KIF1A: variants seen among roughly 807,000 people sequenced by gnomAD.
KIF1A encodes the protein kinesin-like protein KIF1A.
Under a neutral mutation model 227.3 loss-of-function variants are expected in KIF1A, and 46 were observed. That is an observed-to-expected ratio of 0.20 (90% confidence interval 0.16 to 0.26). The LOEUF is 0.26. KIF1A is among the 10% of genes least tolerant of loss of function. KIF1A has a pLI of 1.00. For synonymous variants in KIF1A, 1,022 were observed against 1,012.8 expected (o/e 1.01, Z -0.17); for missense variants, 1,683 against 2,485.9 (o/e 0.68, Z 6.87).
chr2:240,757,657 G>A lies in KIF1A; in HGVS notation c.2583-63C>T, dbSNP rs2050027823. The A allele has an allele frequency of 2.7e-6, 4 of 1,507,886 alleles. No individual in the cohort carries two copies. The highest frequency in any genetic ancestry group is 3.6e-6 in the Non-Finnish European group (4 of 1,120,786). 93.4% of individuals were successfully genotyped at this position (1,507,886 alleles called of 1,614,324 possible). On this transcript the variant is annotated intron_variant, in intron 26 of 48. Transcript: ENST00000498729. This position sits in a 1 kb window ranked among gnomAD's most constrained non-coding sequence, Gnocchi z 6.2. ...CAGCGACTCGCAGGGACGAACAGGG[G>A]CCGGGGCCGGGGCTGGGGGGCTTCT...
chr2:240,745,963 C>T lies in KIF1A; in HGVS notation c.3203-54G>A. On this transcript the variant is annotated intron_variant, in intron 30 of 48. Coordinates refer to ENST00000498729, the MANE Select transcript of KIF1A (RefSeq NM_001244008.2). ...ACCTCCAGGCCATATTGTCTTCCAG[C>T]CACAGGCCTGGGCCGGGCTCAGGAA... is the stretch of plus-strand genomic sequence containing the variant. 2.5e-6 allele frequency: 4 copies of T among 1,592,760 alleles called. No individual in the cohort carries two copies. In the Admixed American group the frequency reaches 5.2e-5, roughly 21 times the overall value.
chr2:240,734,368 C>T (rs1413433755), intron 38 of KIF1A, among the ~76,000 whole-genome samples: 1 of 152,128 alleles, frequency 6.6e-6, no homozygotes, highest in Non-Finnish European at 1.5e-5. Context: ...AGCCCATCCA[C>T]AGGGCAGGGT....
intron 13 of KIF1A, among the ~76,000 whole-genome samples, chr2:240,772,802 G>C (rs116501914): frequency 6.6e-6 from 1 of 152,338 alleles, no homozygotes; most frequent in African/African-American, 2.4e-5. Flanking sequence ...GGGGCTTCCA[G>C]GGGAGCCGTC....
In KIF1A at chr2:240,766,857, G is replaced by T; in HGVS notation, c.1684+58C>A. ...GCTGGGAGAGGGTGACCTCATTCAG[G>T]CCTGATCATCACGGCACAGGGGCAT... On this transcript the variant is annotated intron_variant, in intron 19 of 48. Transcript: ENST00000498729. The surrounding 1 kb of genome is among the most constrained non-coding windows in gnomAD (Gnocchi z 5.0). 1 of 1,247,134 alleles carries T rather than the reference G, an allele frequency of 8.0e-7. No homozygotes were observed. The highest frequency in any genetic ancestry group is 1.1e-6 in the Non-Finnish European group (1 of 872,100). The allele number at this position is 1,247,134 out of a possible 1,614,324, so 77.3% of individuals were successfully genotyped here.
At chr2:240,791,914 A>C (rs1354302611) in intron 2 of KIF1A, among the ~76,000 whole-genome samples, 5 of 100,646 alleles carry the variant, frequency 5.0e-5, no homozygotes, top group African/African-American at 8.0e-5. Flanking sequence ...CCCTGCCTAC[A>C]CCCCCATCCC....
intron 20 of KIF1A, among the ~76,000 whole-genome samples, chr2:240,765,419 C>T (rs2051048230): frequency 6.6e-6 from 1 of 152,248 alleles, no homozygotes; most frequent in Admixed American, 6.5e-5. Context: ...GCAGGAGCTT[C>T]TTCCTAGGCA....
In KIF1A at chr2:240,754,277, G is replaced by A. The variant is rs139209004; in HGVS notation, c.2858+3042C>T. 5.3e-3 allele frequency among the ~76,000 whole-genome samples: 812 copies of A among 152,338 alleles called. 5 individuals are homozygous for A. Among genetic ancestry groups the A allele is most frequent in the Non-Finnish European group, 5.5e-3 (373 of 68,036 alleles). ...CCCCCATCTCTACAGCACCCTGTGAGCATCCTCATGGCACTGACCTCGGGC... is the reference window on the plus strand; with the variant it reads ...CCCCCATCTCTACAGCACCCTGTGAACATCCTCATGGCACTGACCTCGGGC... On this transcript the variant is annotated intron_variant, in intron 27 of 48. Coordinates refer to ENST00000498729, the MANE Select transcript of KIF1A (RefSeq NM_001244008.2).
chr2:240,722,320 C>CCCTCA (rs2045503774), intron 43 of KIF1A, 136 bp downstream of exon 43: 1 of 798,692 alleles, frequency 1.3e-6, no homozygotes. Flanking sequence ...CCCTAGGGAC[C>CCCTCA]CCTCAAGCTC....
rs2046087069 is a variant in KIF1A at position 240,726,997 on chromosome 2, G to C, written c.4008-57C>G. Reference sequence around the variant, plus strand: ...ATGGCGTGGGGGCTGCTTTCAGCCAGGCCGGGGACATGCAGACAGACAGAG... The same window carrying C: ...ATGGCGTGGGGGCTGCTTTCAGCCACGCCGGGGACATGCAGACAGACAGAG... On this transcript the variant is annotated intron_variant, in intron 38 of 48. Coordinates refer to ENST00000498729, the MANE Select transcript of KIF1A (RefSeq NM_001244008.2). This position sits in a 1 kb window ranked among gnomAD's most constrained non-coding sequence, Gnocchi z 5.2. 1 of 1,057,236 alleles carries C rather than the reference G, an allele frequency of 9.5e-7. No homozygotes were observed. The highest frequency in any genetic ancestry group is 1.4e-5 in the South Asian group (1 of 69,688). 65.5% of individuals were successfully genotyped at this position (1,057,236 alleles called of 1,614,324 possible). A position where few individuals can be genotyped will look rare whatever the true frequency, so the allele number is the denominator to read the frequency against.
At position 240,789,424 on chromosome 2, in the gene KIF1A, G is replaced by T. The variant is rs1160935619; in HGVS notation, c.107-112C>A. 8.2e-6 allele frequency: 7 copies of T among 857,912 alleles called. No individual in the cohort carries two copies. Among genetic ancestry groups the T allele is most frequent in the African/African-American group, 1.7e-5 (1 of 59,998 alleles). 53.1% of individuals were successfully genotyped at this position (857,912 alleles called of 1,614,324 possible). A position where few individuals can be genotyped will look rare whatever the true frequency, so the allele number is the denominator to read the frequency against. ...TTAAGAGGCCTCGGGCCCCAGACAA[G>T]CCAGGCCCCCAAATTGGAGGGGACC... is the stretch of plus-strand genomic sequence containing the variant. On this transcript the variant is annotated intron_variant, in intron 2 of 48. Transcript: ENST00000498729. This position sits in a 1 kb window ranked among gnomAD's most constrained non-coding sequence, Gnocchi z 4.8.
intron 25 of KIF1A, among the ~76,000 whole-genome samples, chr2:240,759,475 C>T (rs180727006): frequency 6.6e-5 from 10 of 152,298 alleles, no homozygotes; most frequent in Admixed American, 5.9e-4. Flanking sequence ...GCCCCAGAGC[C>T]CTGCAGAATT....
intron 23 of KIF1A, 135 bp downstream of exon 23, chr2:240,762,584 T>A: frequency 8.1e-7 from 1 of 1,237,642 alleles, no homozygotes; most frequent in Non-Finnish European, 1.1e-6. Flanking sequence ...GGCAAGGAGG[T>A]CTTTCCCTAA....
chr2:240,747,065 G>A (rs981962493), intron 29 of KIF1A, among the ~76,000 whole-genome samples, 171 bp downstream of exon 29: 9 of 152,160 alleles, frequency 5.9e-5, no homozygotes, highest in African/African-American at 9.7e-5. Context: ...GAAAAGGGGC[G>A]CAGTGTGCTT....
chr2:240,747,672 C>G (rs1455053108), intron 28 of KIF1A, among the ~76,000 whole-genome samples: 2 of 152,222 alleles, frequency 1.3e-5, no homozygotes, highest in African/African-American at 2.4e-5. Context: ...ACCACCCCAC[C>G]AGCCCTGCTG....
chr2:240,754,164 G>T (rs1192419615), intron 27 of KIF1A, among the ~76,000 whole-genome samples: 1 of 152,228 alleles, frequency 6.6e-6, no homozygotes, highest in African/African-American at 2.4e-5. Flanking sequence ...TGCCCCAAAG[G>T]TGGGGACTGC....
rs1406069090 is a variant in KIF1A at position 240,789,912 on chromosome 2, G to A, written c.107-600C>T. On this transcript the variant is annotated intron_variant, in intron 2 of 48. Transcript: ENST00000498729. The surrounding 1 kb of genome is among the most constrained non-coding windows in gnomAD (Gnocchi z 4.8). ...GCACCCTGGGCTGGCTTCAGGCAGTGCTCACAGAATATCTGTTCCTCAAAC... is the reference window on the plus strand; with the variant it reads ...GCACCCTGGGCTGGCTTCAGGCAGTACTCACAGAATATCTGTTCCTCAAAC... Among the ~76,000 whole-genome samples, 1 of 152,118 alleles carries A rather than the reference G, an allele frequency of 6.6e-6. No individual in the cohort carries two copies. Among genetic ancestry groups the A allele is most frequent in the Non-Finnish European group, 1.5e-5 (1 of 68,004 alleles).
At position 240,728,996 on chromosome 2, in the gene KIF1A, T is replaced by C. The variant is rs145232332; in HGVS notation, c.4008-2056A>G. Among the ~76,000 whole-genome samples the C allele has an allele frequency of 2.5e-4, 38 of 152,290 alleles. 1 individual carries two copies. In the East Asian group the frequency reaches 7.1e-3, roughly 29 times the overall value. On this transcript the variant is annotated intron_variant, in intron 38 of 48. Transcript: ENST00000498729. The stretch of plus-strand genomic sequence containing the variant: ...TGGAGCTTGTACACATCAGCATCAC[T>C]ATCTGGTACACGTCAGCATCCCTGT...
intron 14 of KIF1A, among the ~76,000 whole-genome samples, chr2:240,771,448 G>A (rs1009621995): frequency 6.6e-6 from 1 of 152,050 alleles, no homozygotes; most frequent in Non-Finnish European, 1.5e-5. Context: ...ACAGACCTAG[G>A]CACTCTGGAG....
rs1477553245 is a variant in KIF1A, at chr2:240,723,486, C to A, written c.4391G>T (p.Gly1464Val). 1.3e-6 allele frequency: 2 copies of A among 1,552,212 alleles called. No homozygotes were observed. Among genetic ancestry groups the A allele is most frequent in the Admixed American group, 1.9e-5 (1 of 51,386 alleles). ...AYVRGEENLA[G>V]WRPRSDSLIL... is the part of the protein sequence containing the mutation. ...GAGACTGTCACTCCGGGGCCTCCAG[C>A]CTGCCAGGTTCTCCTCGCCCCGGAC... is the stretch of plus-strand genomic sequence containing the variant. Residue 1464 changes from glycine to valine, a missense_variant, in exon 42 of 49, where the codon GGC (glycine) becomes GTC (valine). Physicochemically the swap from Gly to Val is moderately radical, Grantham distance 109. This residue lies in a region of KIF1A where 759 missense variants were observed against 1,020.2 expected (regional missense o/e 0.74). Coordinates refer to ENST00000498729, the MANE Select transcript of KIF1A (RefSeq NM_001244008.2).
Sources: allele counts gnomAD v4.1 joint callset (sites outside exome capture counted in the v4.1 genomes callset), GRCh38; gene constraint gnomAD v4.1.1; regional missense constraint gnomAD v4.1.1; non-coding constraint Gnocchi (gnomAD v3.1); transcripts MANE v1.5; gene names NCBI Gene and HGNC (gene_info 2026-07-23, HGNC 2026-07-21).